AGAP3: variants seen among roughly 807,000 people sequenced by gnomAD.
AGAP3 encodes the protein arf-GAP with GTPase, ANK repeat and PH domain-containing protein 3.
A neutral mutation model predicts 96.9 loss-of-function variants in AGAP3; 24 were observed. The observed-to-expected ratio is 0.25, with a 90% CI of 0.18 to 0.35. AGAP3 has a LOEUF of 0.35. Ranked by LOEUF, AGAP3 falls within the 10% of genes least tolerant of loss-of-function variation. The pLI is 1.00. For missense variants in AGAP3, 876 were observed against 1,254.2 expected (o/e 0.70, Z 4.55); for synonymous variants, 563 against 536.1 (o/e 1.05, Z -0.69).
At chr7:151,109,425 T>C (rs1799192677) in intron 1 of AGAP3, among the ~76,000 whole-genome samples, 1 of 152,176 alleles carries the variant, frequency 6.6e-6, no homozygotes, top group Non-Finnish European at 1.5e-5. Context: ...CCACGCCCCC[T>C]CTGAAGGCAC....
At chr7:151,112,712 C>T (rs2150448206) in intron 1 of AGAP3, among the ~76,000 whole-genome samples, 1 of 152,238 alleles carries the variant, frequency 6.6e-6, no homozygotes, top group Middle Eastern at 3.4e-3. Flanking sequence ...GATCCTCCCA[C>T]GTCAGCCTCT....
In AGAP3 at chr7:151,117,097, C is replaced by T; in HGVS notation, c.393C>T (p.Gly131=). ...ACTCACCCCTTCCTCTCCCGCAGGG[C>T]ATAGTGGGGAACCTGTCTAGCGGGA... ...LSRSVPELKV[G]IVGNLSSGKS... Residue 131 remains glycine (G), a splice_region_variant and synonymous_variant, in exon 3 of 18, where the codon GGC becomes GGT. Transcript: ENST00000397238. 2 of 1,613,872 alleles carry T rather than the reference C, an allele frequency of 1.2e-6. No individual in the cohort carries two copies. The highest frequency in any genetic ancestry group is 2.2e-5 in the South Asian group (2 of 91,056).
chr7:151,127,392 A>G (rs868385273), intron 9 of AGAP3, among the ~76,000 whole-genome samples: 1 of 152,022 alleles, frequency 6.6e-6, no homozygotes, highest in African/African-American at 2.4e-5. Context: ...CGCTTTTTCA[A>G]GTCTCCCTGC....
chr7:151,089,832 GCTCA>G (rs1176169954), intron 1 of AGAP3: 2 of 152,184 alleles, frequency 1.3e-5, no homozygotes, highest in Admixed American at 1.3e-4. Context: ...GAGCTGGAGG[GCTCA>G]CTATGTGCAG....
intron 11 of AGAP3, among the ~76,000 whole-genome samples, chr7:151,137,535 G>A (rs767598677): frequency 2.6e-5 from 4 of 152,234 alleles, no homozygotes; most frequent in African/African-American, 7.2e-5. Context: ...AGAATTGTGC[G>A]GCGCTCTGTC....
intron 8 of AGAP3, chr7:151,122,805 C>T (rs904264993): frequency 3.0e-5 from 48 of 1,613,640 alleles, no homozygotes; most frequent in Non-Finnish European, 3.9e-5. Flanking sequence ...GTTGGTGACA[C>T]ACAGCACCTC....
At chr7:151,100,924 C>T (rs934443052) in intron 1 of AGAP3, among the ~76,000 whole-genome samples, 15 of 152,208 alleles carry the variant, frequency 9.9e-5, no homozygotes, top group African/African-American at 2.4e-4. Context: ...CCTGCCTGGC[C>T]GACTCTGCTC....
Position 151,133,496 on chromosome 7 carries a change from C to A in AGAP3, c.1327-904C>A, listed in dbSNP as rs1800476403. Among the ~76,000 whole-genome samples the A allele has an allele frequency of 6.6e-6, 1 of 152,090 alleles. No individual in the cohort carries two copies. The highest frequency in any genetic ancestry group is 1.5e-5 in the Non-Finnish European group (1 of 68,012). On this transcript the variant is annotated intron_variant, in intron 10 of 17. Coordinates refer to ENST00000397238, the MANE Select transcript of AGAP3 (RefSeq NM_031946.7). The surrounding 1 kb of genome is among the most constrained non-coding windows in gnomAD (Gnocchi z 5.4). ...GGGGGGAGTCCAAGCACAAAGTGGC[C>A]CCCCATCTCCGGGGCCCTGACTTGA...
chr7:151,122,850 C>G, intron 8 of AGAP3: 1 of 1,606,774 alleles, frequency 6.2e-7, no homozygotes, highest in Non-Finnish European at 8.5e-7. Flanking sequence ...GGAGGCGGGC[C>G]GGGCCCTGGG....
intron 8 of AGAP3, chr7:151,123,106 C>T (rs1267495180): frequency 1.3e-4 from 145 of 1,140,980 alleles, no homozygotes; most frequent in Non-Finnish European, 1.5e-4. Context: ...CCGCCCGGCC[C>T]GGCTGCTCCT....
intron 9 of AGAP3, 154 bp from the exon 10 acceptor site, chr7:151,128,426 A>G (rs1800268441): frequency 1.6e-6 from 1 of 610,760 alleles, no homozygotes; most frequent in South Asian, 1.9e-5. Flanking sequence ...GGGCCTTCCC[A>G]AGTTCACCGA....
intron 1 of AGAP3, among the ~76,000 whole-genome samples, chr7:151,087,909 C>G (rs921109340): frequency 1.3e-5 from 2 of 152,264 alleles, no homozygotes; most frequent in Admixed American, 6.5e-5. Flanking sequence ...GTGCTGGAGG[C>G]ACCCGCAGGC....
At position 151,116,659 on chromosome 7, in the gene AGAP3, T is replaced by G; in HGVS notation, c.332-134T>G. 3 of 921,554 alleles carry G rather than the reference T, an allele frequency of 3.3e-6. No homozygotes were observed. In the South Asian group the frequency reaches 4.3e-5, roughly 13 times the overall value. 57.1% of individuals were successfully genotyped at this position (921,554 alleles called of 1,614,324 possible). ...CTCCTGGGGAACTAGGGGTGAGGGT[T>G]GGGGGTCCCGTGGAGGAAGCTGCTG... On this transcript the variant is annotated intron_variant, in intron 1 of 17. Coordinates refer to ENST00000397238, the MANE Select transcript of AGAP3 (RefSeq NM_031946.7).
At position 151,118,453 on chromosome 7, in the gene AGAP3, A is replaced by C; in HGVS notation, c.842-52A>C. On this transcript the variant is annotated intron_variant, in intron 6 of 17. Coordinates refer to ENST00000397238, the MANE Select transcript of AGAP3 (RefSeq NM_031946.7). The surrounding 1 kb of genome is among the most constrained non-coding windows in gnomAD (Gnocchi z 6.1). ...TGTGTCTGGGGGGAGGTGCTAAGCC[A>C]GGCTTTTCCCTTCTCTCCAGTGGGT... The C allele has an allele frequency of 6.2e-7, 1 of 1,604,460 alleles. No individual in the cohort carries two copies.
At chr7:151,131,711 G>T (rs1472566595) in intron 10 of AGAP3, among the ~76,000 whole-genome samples, 1 of 152,226 alleles carries the variant, frequency 6.6e-6, no homozygotes, top group Non-Finnish European at 1.5e-5. Context: ...TGCTGAAGTT[G>T]GGCCGTCCTT....
Position 151,143,211 on chromosome 7 carries a change from A to C in AGAP3, c.2274-130A>C. ...GGCTTCTCTCCTTCCTTTTTGCTCCATCTCATCTTCTCTCACTGTTTCTTC... is the reference window on the plus strand; with the variant it reads ...GGCTTCTCTCCTTCCTTTTTGCTCCCTCTCATCTTCTCTCACTGTTTCTTC... On this transcript the variant is annotated intron_variant, in intron 16 of 17. Coordinates refer to ENST00000397238, the MANE Select transcript of AGAP3 (RefSeq NM_031946.7). This position sits in a 1 kb window ranked among gnomAD's most constrained non-coding sequence, Gnocchi z 5.9. The C allele has an allele frequency of 8.7e-7, 1 of 1,152,662 alleles. No individual in the cohort carries two copies. Among genetic ancestry groups the C allele is most frequent in the Non-Finnish European group, 1.2e-6 (1 of 829,208 alleles). The allele number at this position is 1,152,662 out of a possible 1,614,324, so 71.4% of individuals were successfully genotyped here.
chr7:151,115,335 A>G (rs958122063), intron 1 of AGAP3: 17 of 1,015,552 alleles, frequency 1.7e-5, no homozygotes, highest in Non-Finnish European at 1.9e-5. Flanking sequence ...GCTCAGGAAG[A>G]GCTTCAGCTT....
chr7:151,093,143 G>A (rs911963001), intron 1 of AGAP3, among the ~76,000 whole-genome samples: 2 of 152,142 alleles, frequency 1.3e-5, no homozygotes, highest in South Asian at 2.1e-4. Flanking sequence ...GTATATGTGT[G>A]TGTATATATA....
intron 7 of AGAP3, among the ~76,000 whole-genome samples, chr7:151,119,726 G>C (rs1199289545): frequency 6.6e-6 from 1 of 152,172 alleles, no homozygotes; most frequent in Non-Finnish European, 1.5e-5. Flanking sequence ...TAGCTCCCTG[G>C]TTGGCCAGAA....
Sources: allele counts gnomAD v4.1 joint callset (sites outside exome capture counted in the v4.1 genomes callset), GRCh38; gene constraint gnomAD v4.1.1; non-coding constraint Gnocchi (gnomAD v3.1); transcripts MANE v1.5; gene names NCBI Gene and HGNC (gene_info 2026-07-23, HGNC 2026-07-21).